The following SLC35F4 variants were observed in gnomAD, a reference collection of about 807,000 sequenced individuals.
The protein encoded by SLC35F4 is solute carrier family 35 member F4, also known as chromosome 14 open reading frame 36.
SLC35F4 carries 24 observed loss-of-function variants against 44.2 expected under a neutral mutation model. The ratio of observed to expected loss-of-function variants is 0.54; its 90% CI spans 0.39 to 0.76. The LOEUF is 0.76. SLC35F4 is among the 30% of genes least tolerant of loss of function. SLC35F4 has a pLI of 0.00. For synonymous variants in SLC35F4, 238 were observed against 223.6 expected, an observed-to-expected ratio of 1.06 and a Z score of -0.57; for missense variants, 562 against 586.1, an observed-to-expected ratio of 0.96 and a Z score of 0.42.
In SLC35F4 at chr14:57,865,880, G is replaced by T; in HGVS notation, c.-55C>A. The T allele has an allele frequency of 7.6e-7, 1 of 1,319,838 alleles. No homozygotes were observed. The highest frequency in any genetic ancestry group is 1.0e-6 in the Non-Finnish European group (1 of 986,216). The allele number at this position is 1,319,838 out of a possible 1,614,324, so 81.8% of individuals were successfully genotyped here. On this transcript the variant is annotated 5_prime_UTR_variant, in exon 1 of 8. Coordinates refer to ENST00000556826, the MANE Select transcript of SLC35F4 (RefSeq NM_001306087.2). ...GGCGGGGCGGAGAGCGCAGCGCGGG[G>T]CCCGGGAGCTGGTGCAGGTGCCGGA... is the stretch of plus-strand genomic sequence containing the variant.
intron 1 of SLC35F4, among the ~76,000 whole-genome samples, chr14:57,716,684 A>G (rs1055945052): frequency 1.3e-5 from 2 of 152,242 alleles, no homozygotes; most frequent in African/African-American, 4.8e-5. Flanking sequence ...TGATCAAATT[A>G]GGGTAATCAG....
chr14:57,765,026 C>T (rs954456933), intron 1 of SLC35F4, among the ~76,000 whole-genome samples: 4 of 152,140 alleles, frequency 2.6e-5, no homozygotes, highest in Non-Finnish European at 1.5e-5. Flanking sequence ...ACATTGAGTG[C>T]CAACTTAATC....
intron 1 of SLC35F4, among the ~76,000 whole-genome samples, chr14:57,668,446 G>C (rs2074396199): frequency 6.6e-6 from 1 of 152,010 alleles, no homozygotes; most frequent in Non-Finnish European, 1.5e-5. Flanking sequence ...TTTTCTTCTA[G>C]GGTTTTTATG....
intron 1 of SLC35F4, among the ~76,000 whole-genome samples, chr14:57,706,453 A>G (rs1041409958): frequency 6.6e-6 from 1 of 152,196 alleles, no homozygotes; most frequent in Non-Finnish European, 1.5e-5. Context: ...TGTGTCAAGC[A>G]CAGAGGATAC....
intron 1 of SLC35F4, among the ~76,000 whole-genome samples, chr14:57,939,022 A>C (rs1420987400): frequency 6.6e-6 from 1 of 151,778 alleles, no homozygotes; most frequent in Non-Finnish European, 1.5e-5. Flanking sequence ...CCCCTGGAGG[A>C]TTTTGGGAAG....
chr14:57,865,601 T>C, intron 1 of SLC35F4, 122 bp downstream of exon 1: 1 of 738,078 alleles, frequency 1.4e-6, no homozygotes. Context: ...AAGGCGGTGT[T>C]GACAGCGTCC....
intron 1 of SLC35F4, among the ~76,000 whole-genome samples, chr14:57,886,691 A>G (rs1888655420): frequency 6.6e-6 from 1 of 152,154 alleles, no homozygotes; most frequent in African/African-American, 2.4e-5. Context: ...TTCTTTGTAT[A>G]GCTAAAGGTA....
chr14:57,661,153 T>G (rs1409401739), intron 1 of SLC35F4, among the ~76,000 whole-genome samples: 1 of 152,138 alleles, frequency 6.6e-6, no homozygotes, highest in African/African-American at 2.4e-5. Flanking sequence ...CAGACTCAAA[T>G]TTACAGAGTC....
chr14:57,716,115 A>G (rs2075933472), intron 1 of SLC35F4, among the ~76,000 whole-genome samples: 2 of 152,180 alleles, frequency 1.3e-5, no homozygotes, highest in African/African-American at 4.8e-5. Context: ...GGTGAACACC[A>G]CTGTGTGCGT....
intron 1 of SLC35F4, among the ~76,000 whole-genome samples, chr14:57,793,911 A>G (rs754966418): frequency 1.3e-5 from 2 of 152,192 alleles, no homozygotes; most frequent in Non-Finnish European, 2.9e-5. Context: ...AAAGCCAAAT[A>G]CTTACAACTA....
At chr14:57,922,252 A>T (rs1889457795) in intron 1 of SLC35F4, among the ~76,000 whole-genome samples, 1 of 152,196 alleles carries the variant, frequency 6.6e-6, no homozygotes, top group Non-Finnish European at 1.5e-5. Flanking sequence ...TTAAAAATGC[A>T]GGTGCCTGAA....
chr14:57,939,207 A>C (rs1306307103), intron 1 of SLC35F4, among the ~76,000 whole-genome samples: 2 of 152,094 alleles, frequency 1.3e-5, no homozygotes, highest in Admixed American at 1.3e-4. Flanking sequence ...ACAATAGCTG[A>C]GATTCTGGCG....
At chr14:57,608,811 A>G (rs2071325790) in intron 1 of SLC35F4, among the ~76,000 whole-genome samples, 1 of 149,202 alleles carries the variant, frequency 6.7e-6, no homozygotes, top group Admixed American at 6.7e-5. Context: ...GGGGGGAGAG[A>G]AACAGGAAAT....
intron 1 of SLC35F4, among the ~76,000 whole-genome samples, chr14:57,661,099 C>T (rs977697902): frequency 2.0e-5 from 3 of 152,110 alleles, no homozygotes; most frequent in African/African-American, 7.2e-5. Context: ...CCATGCGAAT[C>T]GAGTTACGAA....
intron 1 of SLC35F4, among the ~76,000 whole-genome samples, chr14:57,927,856 A>T (rs1210721609): frequency 1.3e-5 from 2 of 152,072 alleles, no homozygotes; most frequent in African/African-American, 4.8e-5. Flanking sequence ...AATTTGATGA[A>T]GTCCAATTTA....
intron 1 of SLC35F4, among the ~76,000 whole-genome samples, chr14:57,647,945 C>A (rs2140187555): frequency 6.6e-6 from 1 of 152,326 alleles, no homozygotes; most frequent in East Asian, 1.9e-4. Context: ...CAGACCCTCT[C>A]TCTGCTCCTT....
chr14:57,628,590 T>C (rs919071895), intron 1 of SLC35F4, among the ~76,000 whole-genome samples: 1 of 150,194 alleles, frequency 6.7e-6, no homozygotes, highest in African/African-American at 2.5e-5. Context: ...GAATGATGGT[T>C]TCCAGCTTCA....
intron 1 of SLC35F4, among the ~76,000 whole-genome samples, chr14:57,685,470 G>A (rs747280049): frequency 6.6e-6 from 1 of 152,134 alleles, no homozygotes; most frequent in Non-Finnish European, 1.5e-5. Context: ...TTTGGCTTCA[G>A]GCATCATTGG....
chr14:57,898,708 G>T (rs1888936515), intron 1 of SLC35F4, among the ~76,000 whole-genome samples: 1 of 152,184 alleles, frequency 6.6e-6, no homozygotes, highest in South Asian at 2.1e-4. Context: ...AGCAACTTCA[G>T]TAAGAGCCCT....
Sources: allele counts gnomAD v4.1 joint callset (sites outside exome capture counted in the v4.1 genomes callset), GRCh38; gene constraint gnomAD v4.1.1; transcripts MANE v1.5; gene names NCBI Gene and HGNC (gene_info 2026-07-23, HGNC 2026-07-21).